Variants in MUC12 observed in about 807,000 individuals in gnomAD.
MUC12 encodes the protein mucin 12, cell surface associated.
In MUC12, 172 loss-of-function variants were observed where a neutral mutation model predicts 230.8. The ratio of observed to expected loss-of-function variants is 0.75; its 90% CI spans 0.66 to 0.85. MUC12 has a LOEUF of 0.85. Among genes scored for constraint, MUC12 ranks in the 40% least tolerant of loss-of-function variants. The pLI is 0.00. For missense variants in MUC12, 3,506 were observed against 5,920.6 expected, an observed-to-expected ratio of 0.59 and a Z score of 13.38; for synonymous variants, 1,259 against 2,401.9, an observed-to-expected ratio of 0.52 and a Z score of 13.91.
In MUC12 at chr7:100,990,646, C is replaced by A. The variant is rs1793265918; in HGVS notation, c.83C>A (p.Thr28Asn). ...CAAATCACAGGCTCAACAGTAAACA[C>A]CAGTATTGGAGGTAATACAACTTCT... is the stretch of plus-strand genomic sequence containing the variant. ...TTVTPGSTVNTSIGGNTTSAS... is the reference protein window; with the variant it reads ...TTVTPGSTVNNSIGGNTTSAS... Residue 28 changes from threonine (T) to asparagine (N), a missense_variant, in exon 2 of 12, where the codon ACC becomes AAC. Thr to Asn is a moderately conservative substitution (Grantham distance 65). Coordinates refer to ENST00000536621, the MANE Select transcript of MUC12 (RefSeq NM_001164462.2). 3 of 1,537,520 alleles carry A rather than the reference C, an allele frequency of 2.0e-6. No homozygotes were observed. The highest frequency in any genetic ancestry group is 2.6e-6 in the Non-Finnish European group (3 of 1,146,972).
intron 1 of MUC12, among the ~76,000 whole-genome samples, chr7:100,986,064 T>A (rs1309014327): frequency 6.6e-6 from 1 of 152,110 alleles, no homozygotes; most frequent in Non-Finnish European, 1.5e-5. Context: ...GTCCACCGAC[T>A]TCAAAACAAA....
chr7:101,010,193 G>C (rs1280765579), intron 5 of MUC12, among the ~76,000 whole-genome samples: 1 of 152,102 alleles, frequency 6.6e-6, no homozygotes, highest in Non-Finnish European at 1.5e-5. Context: ...GGGGTGCCCT[G>C]TGCTGCGTGG....
At chr7:100,987,592 T>TG (rs1452644133) in intron 1 of MUC12, among the ~76,000 whole-genome samples, 17 of 152,204 alleles carry the variant, frequency 1.1e-4, no homozygotes, top group Non-Finnish European at 1.5e-5. Context: ...GTTTGGATAA[T>TG]GGGGGCAGAT....
chr7:101,004,440 G>A lies in MUC12; in HGVS notation c.13877G>A (p.Arg4626His), dbSNP rs565156327. ...CCTGAAAGCTCCACAGCTTCAGGTC[G>A]TAGTGAAGAATCAAGAACTTCCCAC... The part of the protein sequence containing the change: ...HFPESSTASG[R>H]SEESRTSHSS... Residue 4626 changes from arginine (R) to histidine (H), a missense_variant, in exon 2 of 12, where the codon CGT (arginine) becomes CAT (histidine). Physicochemically the swap from Arg to His is conservative, Grantham distance 29 (BLOSUM62 0). Coordinates refer to ENST00000536621, the MANE Select transcript of MUC12 (RefSeq NM_001164462.2). 1.9e-4 allele frequency: 284 copies of A among 1,522,026 alleles called. No individual in the cohort carries two copies. The highest frequency in any genetic ancestry group is 1.6e-3 in the Admixed American group (78 of 49,172). 94.3% of individuals were successfully genotyped at this position (1,522,026 alleles called of 1,614,324 possible).
chr7:100,979,810 T>TAC (rs1279729942), intron 1 of MUC12, among the ~76,000 whole-genome samples: 4 of 151,274 alleles, frequency 2.6e-5, no homozygotes, highest in African/African-American at 7.3e-5. Context: ...AACATGTATA[T>TAC]ATATATAACA....
intron 1 of MUC12, among the ~76,000 whole-genome samples, chr7:100,984,030 T>G (rs1793149090): frequency 6.6e-6 from 1 of 152,170 alleles, no homozygotes; most frequent in East Asian, 1.9e-4. Context: ...CTCGTTGTAC[T>G]GAGGGTCTAG....
chr7:100,995,562 A>T lies in MUC12; in HGVS notation c.4999A>T (p.Thr1667Ser). Residue 1667 changes from threonine to serine, a missense_variant, in exon 2 of 12, where the codon ACT (threonine) becomes TCT (serine). Thr to Ser is a moderately conservative substitution (Grantham distance 58). Transcript: ENST00000536621. ...AGCATCTACGCCCGTCCACAGCAGCACTGGATCGCCACACACAACACTGTC... is the reference window on the plus strand; with the variant it reads ...AGCATCTACGCCCGTCCACAGCAGCTCTGGATCGCCACACACAACACTGTC... ...LEASTPVHSS[T>S]GSPHTTLSPA... 1 of 1,536,254 alleles carries T rather than the reference A, an allele frequency of 6.5e-7. No individual in the cohort carries two copies. The highest frequency in any genetic ancestry group is 8.7e-7 in the Non-Finnish European group (1 of 1,146,870).
rs60210838 is a variant in MUC12 at position 101,018,835 on chromosome 7, C to T, written c.*199C>T. 2.1e-3 allele frequency: 1,081 copies of T among 505,208 alleles called. 7 individuals are homozygous for T. The highest frequency in any genetic ancestry group is 0.018 in the African/African-American group (918 of 49,978). 31.3% of individuals were successfully genotyped at this position (505,208 alleles called of 1,614,324 possible). On this transcript the variant is annotated 3_prime_UTR_variant, in exon 12 of 12. Coordinates refer to ENST00000536621, the MANE Select transcript of MUC12 (RefSeq NM_001164462.2). ...GCTGGGGGCTGTAAGCCTCTCCATC[C>T]GGGAGCTTCCAGACTCCCAGAAGCC... is the stretch of plus-strand genomic sequence containing the variant.
At chr7:100,987,963 C>T (rs993515661) in intron 1 of MUC12, among the ~76,000 whole-genome samples, 1 of 126,704 alleles carries the variant, frequency 7.9e-6, no homozygotes, top group African/African-American at 3.1e-5. Context: ...AAGAGTGAAA[C>T]TACGTCTAAA....
chr7:101,005,440 G>A lies in MUC12; in HGVS notation c.14877G>A (p.Glu4959=). 6.5e-7 allele frequency: 1 copy of A among 1,537,890 alleles called. No individual in the cohort carries two copies. The highest frequency in any genetic ancestry group is 8.7e-7 in the Non-Finnish European group (1 of 1,147,048). Residue 4959 remains glutamate, a synonymous_variant, in exon 2 of 12, where the codon GAG becomes GAA. Coordinates refer to ENST00000536621, the MANE Select transcript of MUC12 (RefSeq NM_001164462.2). ...GTTCCAGCACATCAGGCCTCACTGAGGAATCTACCACCTTCCACACCAGTC... is the reference window on the plus strand; with the variant it reads ...GTTCCAGCACATCAGGCCTCACTGAAGAATCTACCACCTTCCACACCAGTC... ...PASSSTSGLT[E]ESTTFHTSPS...
intron 1 of MUC12, among the ~76,000 whole-genome samples, chr7:100,979,564 G>A (rs1310526192): frequency 3.3e-5 from 5 of 152,056 alleles, no homozygotes; most frequent in African/African-American, 7.2e-5. Context: ...GGCAGATCGC[G>A]AGGTCAAGAG....
intron 1 of MUC12, among the ~76,000 whole-genome samples, chr7:100,971,701 A>G (rs1339220349): frequency 6.6e-6 from 1 of 152,312 alleles, no homozygotes; most frequent in African/African-American, 2.4e-5. Context: ...CTTTAAGTTC[A>G]CCTACAGAAG....
At chr7:100,972,464 G>T (rs554453636) in intron 1 of MUC12, among the ~76,000 whole-genome samples, 1 of 152,332 alleles carries the variant, frequency 6.6e-6, no homozygotes, top group African/African-American at 2.4e-5. Flanking sequence ...GGTCCTTGGG[G>T]AGCAGTTCAG....
chr7:101,009,574 T>C (rs1432685880), intron 5 of MUC12, among the ~76,000 whole-genome samples: 1 of 152,176 alleles, frequency 6.6e-6, no homozygotes, highest in Non-Finnish European at 1.5e-5. Flanking sequence ...GGTTCATGCA[T>C]GTAATCTCAA....
chr7:100,991,101 T>A lies in MUC12; in HGVS notation c.538T>A (p.Phe180Ile), dbSNP rs1793283800. 2 of 1,537,354 alleles carry A rather than the reference T, an allele frequency of 1.3e-6. No homozygotes were observed. The highest frequency in any genetic ancestry group is 1.4e-5 in the African/African-American group (1 of 72,914). ...SRPGPTHTIA[F>I]PDSTTMPGVS... is the part of the protein sequence containing the mutation. ...ACCAGGCCCAACGCACACAATAGCG[T>A]TCCCTGACAGTACCACCATGCCAGG... The change falls in exon 2 of 12, where the codon TTC (phenylalanine) becomes ATC (isoleucine). Residue 180 changes from phenylalanine (F) to isoleucine (I), a missense_variant. Phe to Ile is a conservative substitution (Grantham distance 21). Transcript: ENST00000536621.
chr7:100,972,435 G>C (rs1792925827), intron 1 of MUC12, among the ~76,000 whole-genome samples: 1 of 152,232 alleles, frequency 6.6e-6, no homozygotes, highest in South Asian at 2.1e-4. Context: ...ATCATCCCCT[G>C]CTCTGGGAAT....
chr7:100,991,468 C>T lies in MUC12; in HGVS notation c.905C>T (p.Ser302Phe). 1.3e-6 allele frequency: 2 copies of T among 1,537,840 alleles called. No homozygotes were observed. Among genetic ancestry groups the T allele is most frequent in the East Asian group, 2.4e-5 (1 of 40,916 alleles). The part of the protein sequence containing the change: ...SGTTSAFVKL[S>F]TTYHSSPSST... Reference sequence around the variant, plus strand: ...ACCACATCAGCCTTTGTTAAACTATCTACAACTTATCACAGCAGCCCGAGC... The same window carrying T: ...ACCACATCAGCCTTTGTTAAACTATTTACAACTTATCACAGCAGCCCGAGC... Residue 302 changes from serine (S) to phenylalanine (F), a missense_variant, in exon 2 of 12, where the codon TCT becomes TTT. By Grantham distance (155) the Ser-to-Phe change is radical. Coordinates refer to ENST00000536621, the MANE Select transcript of MUC12 (RefSeq NM_001164462.2).
chr7:100,999,599 C>T lies in MUC12; in HGVS notation c.9036C>T (p.Gly3012=), dbSNP rs1793557994. ...SSSDTTPSPP[G]TTAAPVEVST... is the part of the protein sequence containing the mutation. Reference sequence around the variant, plus strand: ...GTGACACAACACCTTCACCTCCCGGCACCACAGCAGCCCCTGTTGAAGTAT... The same window carrying T: ...GTGACACAACACCTTCACCTCCCGGTACCACAGCAGCCCCTGTTGAAGTAT... Residue 3012 remains glycine, a synonymous_variant, in exon 2 of 12, where the codon GGC becomes GGT. Transcript: ENST00000536621. 1 of 1,351,142 alleles carries T rather than the reference C, an allele frequency of 7.4e-7. No individual in the cohort carries two copies. The highest frequency in any genetic ancestry group is 1.5e-5 in the African/African-American group (1 of 66,050). 83.7% of individuals were successfully genotyped at this position (1,351,142 alleles called of 1,614,324 possible). A position where few individuals can be genotyped will look rare whatever the true frequency, so the allele number is the denominator to read the frequency against.
chr7:100,970,551 AAAGG>A (rs947638248), intron 1 of MUC12, among the ~76,000 whole-genome samples: 3 of 151,922 alleles, frequency 2.0e-5, no homozygotes, highest in Non-Finnish European at 2.9e-5. Flanking sequence ...GAAAAAAAAG[AAAGG>A]AAGAAAGAAA....
Sources: allele counts gnomAD v4.1 joint callset (sites outside exome capture counted in the v4.1 genomes callset), GRCh38; gene constraint gnomAD v4.1.1; transcripts MANE v1.5; gene names NCBI Gene and HGNC (gene_info 2026-07-23, HGNC 2026-07-21).